The following UBE2Q2 variants were observed in gnomAD, a reference collection of about 807,000 sequenced individuals.
UBE2Q2 encodes ubiquitin conjugating enzyme E2 Q2.
A neutral mutation model predicts 59.9 loss-of-function variants in UBE2Q2; 54 were observed. That is an observed-to-expected ratio of 0.90 (90% CI 0.72 to 1.13). The LOEUF is 1.13. Ranked by LOEUF, UBE2Q2 falls within the 50% of genes most tolerant of loss-of-function variation. The pLI, the probability that UBE2Q2 is intolerant of heterozygous loss-of-function variation, is 0.00. For missense variants in UBE2Q2, 433 were observed against 441.9 expected (o/e 0.98, Z 0.18); for synonymous variants, 165 against 155.2 (o/e 1.06, Z -0.47).
chr15:75,852,651 T>G (rs932476683), intron 1 of UBE2Q2, among the ~76,000 whole-genome samples: 6 of 152,154 alleles, frequency 3.9e-5, no homozygotes, highest in Admixed American at 1.3e-4. Flanking sequence ...AAAAGAAACC[T>G]AAAAACTAAA....
At chr15:75,846,348 C>A (rs1204342128) in intron 1 of UBE2Q2, among the ~76,000 whole-genome samples, 1 of 152,166 alleles carries the variant, frequency 6.6e-6, no homozygotes, top group Non-Finnish European at 1.5e-5. Flanking sequence ...AGCAATTCTG[C>A]TGCCACCGCC....
In UBE2Q2 at chr15:75,899,723, C is replaced by A. The variant is rs1043007368; in HGVS notation, c.*265C>A. Reference sequence around the variant, plus strand: ...TACTGGCCACTCCTTATCTCTTTTTCTTGAAAAGTGAACTTTTTAAAGCAG... The same window carrying A: ...TACTGGCCACTCCTTATCTCTTTTTATTGAAAAGTGAACTTTTTAAAGCAG... On this transcript the variant is annotated 3_prime_UTR_variant, in exon 13 of 13. Transcript: ENST00000267938. The A allele has an allele frequency of 1.3e-5, 3 of 233,002 alleles. No individual in the cohort carries two copies. In the East Asian group the frequency reaches 2.5e-4, roughly 20 times the overall value. 14.4% of individuals were successfully genotyped at this position (233,002 alleles called of 1,614,324 possible). A position where few individuals can be genotyped will look rare whatever the true frequency, so the allele number is the denominator to read the frequency against.
At chr15:75,851,988 T>C (rs1404653872) in intron 1 of UBE2Q2, among the ~76,000 whole-genome samples, 1 of 152,188 alleles carries the variant, frequency 6.6e-6, no homozygotes. Context: ...TCCTTCTGCC[T>C]CAGCCTCCCT....
intron 8 of UBE2Q2, among the ~76,000 whole-genome samples, chr15:75,879,529 T>C (rs1383072187): frequency 1.3e-5 from 2 of 152,244 alleles, no homozygotes; most frequent in African/African-American, 4.8e-5. Context: ...AAACCTATTT[T>C]GTACAATTCC....
At position 75,854,462 on chromosome 15, in the gene UBE2Q2, TAGA is replaced by T; in HGVS notation, c.261_263del (p.Glu87del). ...AATCTGACATCAGTTCTGGAACGTCTAGAAGATACTAAGAACAACAATTTGGTA... is the reference window on the plus strand; with the variant it reads ...AATCTGACATCAGTTCTGGAACGTCTAGATACTAAGAACAACAATTTGGTA... On this transcript the variant is annotated inframe_deletion, in exon 2 of 13. Transcript: ENST00000267938. The T allele has an allele frequency of 6.2e-7, 1 of 1,611,984 alleles. No individual in the cohort carries two copies. Among genetic ancestry groups the T allele is most frequent in the Non-Finnish European group, 8.5e-7 (1 of 1,178,882 alleles).
At chr15:75,893,501 G>A (rs191362558) in intron 11 of UBE2Q2, among the ~76,000 whole-genome samples, 32 of 152,294 alleles carry the variant, frequency 2.1e-4, no homozygotes, top group African/African-American at 7.7e-4. Context: ...CACAGTTGGA[G>A]ATTTCAACAT....
intron 12 of UBE2Q2, 54 bp downstream of exon 12, chr15:75,897,115 A>G (rs567004080): frequency 1.3e-4 from 135 of 1,015,194 alleles, no homozygotes; most frequent in African/African-American, 7.8e-4. Flanking sequence ...TAGATAATGT[A>G]TTAATACTTA....
At chr15:75,862,858 G>A (rs1897268461) in intron 3 of UBE2Q2, among the ~76,000 whole-genome samples, 1 of 151,248 alleles carries the variant, frequency 6.6e-6, no homozygotes, top group Admixed American at 6.6e-5. Flanking sequence ...AGACTGATTG[G>A]GAGTTCTTTG....
intron 3 of UBE2Q2, among the ~76,000 whole-genome samples, chr15:75,863,453 CTT>C (rs754022015): frequency 5.5e-5 from 8 of 144,318 alleles, no homozygotes; most frequent in Admixed American, 1.4e-4. Flanking sequence ...GTTTGTTTTT[CTT>C]TTTTTTTTTT....
At chr15:75,873,985 G>A (rs918267589) in intron 5 of UBE2Q2, among the ~76,000 whole-genome samples, 3 of 152,090 alleles carry the variant, frequency 2.0e-5, no homozygotes, top group Admixed American at 6.5e-5. Flanking sequence ...ATGAGCCACC[G>A]TGCCTAGCCT....
chr15:75,893,607 G>A (rs1293992754), intron 11 of UBE2Q2, among the ~76,000 whole-genome samples: 1 of 152,084 alleles, frequency 6.6e-6, no homozygotes, highest in Non-Finnish European at 1.5e-5. Flanking sequence ...ATAGACCTCT[G>A]TACCCAATAA....
Position 75,883,411 on chromosome 15 carries a change from G to T in UBE2Q2, c.871G>T (p.Val291Phe). 1.2e-6 allele frequency: 2 copies of T among 1,612,216 alleles called. No individual in the cohort carries two copies. Among genetic ancestry groups the T allele is most frequent in the Middle Eastern group, 3.3e-4 (2 of 6,052 alleles). Residue 291 changes from valine to phenylalanine, a missense_variant, in exon 9 of 13, where the codon GTT (valine) becomes TTT (phenylalanine). Coordinates refer to ENST00000267938, the MANE Select transcript of UBE2Q2 (RefSeq NM_173469.4). Reference protein sequence around the residue: ...DPPFVRVVLPVLSGGYVLGGG... With the variant: ...DPPFVRVVLPFLSGGYVLGGG... ...TCCATTTGTTCGAGTGGTGTTACCT[G>T]TTCTCTCAGGAGGGTAAGTTTAAGT...
At chr15:75,881,736 A>T (rs1898440244) in intron 8 of UBE2Q2, among the ~76,000 whole-genome samples, 1 of 152,238 alleles carries the variant, frequency 6.6e-6, no homozygotes, top group South Asian at 2.1e-4. Flanking sequence ...GAGATAAAGC[A>T]TAACACAAAG....
At chr15:75,846,554 A>G (rs548453908) in intron 1 of UBE2Q2, among the ~76,000 whole-genome samples, 1 of 152,300 alleles carries the variant, frequency 6.6e-6, no homozygotes, top group Middle Eastern at 3.4e-3. Flanking sequence ...CTGTTTTGAT[A>G]AAATGACATG....
At chr15:75,848,903 C>T (rs752066903) in intron 1 of UBE2Q2, among the ~76,000 whole-genome samples, 1 of 152,164 alleles carries the variant, frequency 6.6e-6, no homozygotes, top group East Asian at 1.9e-4. Flanking sequence ...ACCTAGGAAA[C>T]CACCCAGTGG....
rs1896133876 is a variant in UBE2Q2, at chr15:75,843,614, C to G, written c.-53C>G. ...TGACGGCGGCTCCGGGCCCGGCTCC[C>G]CTTCCGCGCCCGGCTCCCCTTCCGC... On this transcript the variant is annotated 5_prime_UTR_variant, in exon 1 of 13. Coordinates refer to ENST00000267938, the MANE Select transcript of UBE2Q2 (RefSeq NM_173469.4). 1 of 1,506,824 alleles carries G rather than the reference C, an allele frequency of 6.6e-7. No individual in the cohort carries two copies. The highest frequency in any genetic ancestry group is 1.5e-5 in the African/African-American group (1 of 68,728). The allele number at this position is 1,506,824 out of a possible 1,614,324, so 93.3% of individuals were successfully genotyped here.
chr15:75,849,844 A>G (rs1567014333), intron 1 of UBE2Q2, among the ~76,000 whole-genome samples: 2 of 152,204 alleles, frequency 1.3e-5, no homozygotes, highest in Non-Finnish European at 2.9e-5. Flanking sequence ...TAAACATTCT[A>G]TGTACGGGAA....
intron 9 of UBE2Q2, among the ~76,000 whole-genome samples, chr15:75,884,563 A>C (rs1898647894): frequency 6.6e-6 from 1 of 152,166 alleles, no homozygotes; most frequent in Admixed American, 6.5e-5. Context: ...AGAAACAAAA[A>C]GTGTGTGTTT....
chr15:75,876,135 T>G (rs868468414), intron 5 of UBE2Q2, 52 bp from the exon 6 acceptor site: 1 of 1,533,954 alleles, frequency 6.5e-7, no homozygotes, highest in East Asian at 2.3e-5. Context: ...GGTTGAAATA[T>G]CTTAAATCTT....
Sources: gnomAD v4.1 joint callset for allele counts (sites outside exome capture counted in the v4.1 genomes callset) on GRCh38, gnomAD v4.1.1 for gene constraint, MANE v1.5 for transcripts, NCBI Gene and HGNC (gene_info 2026-07-23, HGNC 2026-07-21) for gene names.